Variants in MAMLD1 observed in about 807,000 individuals in gnomAD.
The protein encoded by MAMLD1 is mastermind-like domain-containing protein 1.
MAMLD1 carries 14 observed loss-of-function variants against 45.0 expected under a neutral mutation model. The observed-to-expected ratio is 0.31, with a 90% CI of 0.21 to 0.49. The LOEUF (loss-of-function observed/expected upper bound fraction) is 0.49. MAMLD1 is among the 20% of genes least tolerant of loss of function. MAMLD1 has a pLI of 0.99. For synonymous variants in MAMLD1, 254 were observed against 247.8 expected (o/e 1.02, Z -0.24); for missense variants, 543 against 603.6 (o/e 0.90, Z 1.05).
intron 5 of MAMLD1, among the ~76,000 whole-genome samples, chrX:150,495,704 C>T (rs2148346424): frequency 8.9e-6 from 1 of 112,510 alleles, no homozygotes; most frequent in East Asian, 2.8e-4. Flanking sequence ...ATTCAGAGAT[C>T]TGCCTGCTCC....
chrX:150,469,639 C>CTG, intron 3 of MAMLD1, 106 bp from the exon 4 acceptor site: 3 of 390,785 alleles, frequency 7.7e-6, no homozygotes, highest in Admixed American at 4.2e-5. Context: ...CTCTCTGTCT[C>CTG]TCTCTCTCTC....
chrX:150,456,550 G>A (rs989762066), intron 2 of MAMLD1, among the ~76,000 whole-genome samples: 2 of 111,043 alleles, frequency 1.8e-5, no homozygotes, highest in South Asian at 7.7e-4. Context: ...TTAGCCTACT[G>A]TGAGTGCTTA....
intron 1 of MAMLD1, among the ~76,000 whole-genome samples, chrX:150,380,080 G>GA (rs1557401578): frequency 1.8e-5 from 2 of 112,433 alleles, no homozygotes; most frequent in Non-Finnish European, 3.8e-5. Context: ...AAAAACAAAT[G>GA]TAGTTTTGTT....
intron 1 of MAMLD1, among the ~76,000 whole-genome samples, chrX:150,394,202 C>G (rs1330911113): frequency 2.9e-5 from 2 of 69,256 alleles, no homozygotes; most frequent in African/African-American, 1.2e-4. Flanking sequence ...AACAGACTAT[C>G]TTTGCTCCAT....
At position 150,513,916 on chromosome X, in the gene MAMLD1, G is replaced by C. The variant is rs1247029262; in HGVS notation, c.*1957G>C. On this transcript the variant is annotated 3_prime_UTR_variant, in exon 8 of 8. Transcript: ENST00000370401. ...TTTGATGTAAGGCTCTGTGGTTTGG[G>C]GGGGAACATCTGTAAACATTATTAG... 3.4e-5 allele frequency: 10 copies of C among 295,923 alleles called. No homozygotes were observed. Among genetic ancestry groups the C allele is most frequent in the Admixed American group, 3.1e-4 (5 of 16,254 alleles). The allele number at this position is 295,923 out of a possible 1,213,427, so 24.4% of individuals were successfully genotyped here.
chrX:150,388,473 A>G (rs2033030089), intron 1 of MAMLD1, among the ~76,000 whole-genome samples: 1 of 112,050 alleles, frequency 8.9e-6, no homozygotes. Context: ...CAATGAAGCC[A>G]TCTAGGTCTG....
intron 1 of MAMLD1, among the ~76,000 whole-genome samples, chrX:150,430,019 C>CTTTTTTTTTTTTTTTTTTTTTTT (rs1174092962): frequency 8.1e-5 from 4 of 49,228 alleles, no homozygotes; most frequent in African/African-American, 1.7e-4. Context: ...TCTTTCTTTT[C>CTTTTTTTTTTTTTTTTTTTTTTT]TTTTTTTTTT....
intron 1 of MAMLD1, among the ~76,000 whole-genome samples, chrX:150,400,503 G>C (rs1317662794): frequency 9.8e-5 from 11 of 111,949 alleles, no homozygotes; most frequent in African/African-American, 3.2e-4. Context: ...TGTTGAATAG[G>C]AGTGGTGAGA....
Position 150,410,923 on chromosome X carries a change from T to A in MAMLD1, c.-63-34531T>A, listed in dbSNP as rs1557402804. Reference sequence around the variant, plus strand: ...CCGGTGGGCTGTGTGGAGCCCAGGATGGCTTTGGATGCGGCCCAACACAAA... The same window carrying A: ...CCGGTGGGCTGTGTGGAGCCCAGGAAGGCTTTGGATGCGGCCCAACACAAA... On this transcript the variant is annotated intron_variant, in intron 1 of 7. Coordinates refer to ENST00000370401, the MANE Select transcript of MAMLD1 (RefSeq NM_005491.5). 4.5e-5 allele frequency among the ~76,000 whole-genome samples: 5 copies of A among 111,799 alleles called. No homozygotes were observed. In the South Asian group the frequency reaches 1.9e-3, roughly 41 times the overall value.
Position 150,505,730 on chromosome X carries a change from A to G in MAMLD1, c.2284+2213A>G, listed in dbSNP as rs1292571906. ...TGCCTCCCTGCAGGCATTCTGGAGA[A>G]GCTGAGTCACAGGCTCTGAGAGTTA... On this transcript the variant is annotated intron_variant, in intron 6 of 7. Transcript: ENST00000370401. Among the ~76,000 whole-genome samples the G allele has an allele frequency of 2.7e-5, 3 of 112,826 alleles. No individual in the cohort carries two copies. In the Admixed American group the frequency reaches 2.8e-4, roughly 10 times the overall value.
At chrX:150,505,808 G>A (rs1603036684) in intron 6 of MAMLD1, among the ~76,000 whole-genome samples, 1 of 112,612 alleles carries the variant, frequency 8.9e-6, no homozygotes, top group African/African-American at 3.2e-5. Flanking sequence ...TTAGGAAGCC[G>A]TTGTAGTTTC....
At chrX:150,412,400 C>T (rs182740605) in intron 1 of MAMLD1, among the ~76,000 whole-genome samples, 11 of 110,872 alleles carry the variant, frequency 9.9e-5, no homozygotes, top group African/African-American at 3.0e-4. Context: ...AAATCTACCT[C>T]TTCAGCTCCA....
upstream of MAMLD1, among the ~76,000 whole-genome samples, chrX:150,363,117 G>T (rs914301150): frequency 8.9e-6 from 1 of 112,889 alleles, no homozygotes; most frequent in Admixed American, 9.2e-5. Context: ...TGGCGGGGTC[G>T]CGGGCAGGGC....
At chrX:150,397,210 A>AT (rs1242869916) in intron 1 of MAMLD1, among the ~76,000 whole-genome samples, 2 of 111,572 alleles carry the variant, frequency 1.8e-5, no homozygotes, top group Non-Finnish European at 3.8e-5. Context: ...TTTATGTTTT[A>AT]TTTTTTTCCA....
rs781875804 is a variant in MAMLD1, at chrX:150,400,058, C to A, written c.-64+36528C>A. Among the ~76,000 whole-genome samples, 4 of 111,716 alleles carry A rather than the reference C, an allele frequency of 3.6e-5. No homozygotes were observed. In the East Asian group the frequency reaches 1.1e-3, roughly 32 times the overall value. On this transcript the variant is annotated intron_variant, in intron 1 of 7. Transcript: ENST00000370401. ...ACATGCTGTTGTCAGAGAAACAAGA[C>A]GGTGGCCTAAGAGATCTACAAATTC...
chrX:150,372,160 CTTTGCTCAGCA>C (rs2032043143), intron 1 of MAMLD1, among the ~76,000 whole-genome samples: 1 of 112,415 alleles, frequency 8.9e-6, no homozygotes, highest in South Asian at 3.7e-4. Context: ...TCAACGTGTG[CTTTGCTCAGCA>C]TTGTTAGGAC....
At chrX:150,398,314 GAAGAAGAAGAAGAAGAAGAAGAAGAAGA>G (rs1569564579) in intron 1 of MAMLD1, among the ~76,000 whole-genome samples, 5 of 99,094 alleles carry the variant, frequency 5.0e-5, no homozygotes, top group Non-Finnish European at 1.0e-4. Flanking sequence ...AGAAGAAGAA[GAAGAAGAAGAAGAAGAAGAAGAAGAAGA>G]GGAAGAGGAA....
intron 1 of MAMLD1, among the ~76,000 whole-genome samples, chrX:150,398,829 C>T (rs781922765): frequency 1.8e-4 from 20 of 111,205 alleles, no homozygotes; most frequent in Non-Finnish European, 3.0e-4. Context: ...TCTTTTTTAT[C>T]CATGTCTGCA....
intron 1 of MAMLD1, among the ~76,000 whole-genome samples, chrX:150,367,767 T>A (rs2031602056): frequency 2.8e-5 from 3 of 107,627 alleles, no homozygotes; most frequent in Admixed American, 9.9e-5. Context: ...TGTCCATGTG[T>A]TCTCATTGTT....
Sources: allele counts gnomAD v4.1 joint callset (sites outside exome capture counted in the v4.1 genomes callset), GRCh38; gene constraint gnomAD v4.1.1; transcripts MANE v1.5; gene names NCBI Gene and HGNC (gene_info 2026-07-23, HGNC 2026-07-21).